TNIP1: variants seen among roughly 807,000 people sequenced by gnomAD.
TNIP1 encodes TNFAIP3 interacting protein 1.
TNIP1 carries 22 observed loss-of-function variants against 86.6 expected under a neutral mutation model. The observed-to-expected ratio is 0.25, with a 90% CI of 0.18 to 0.36. TNIP1 has a LOEUF of 0.36. TNIP1 is among the 10% of genes least tolerant of loss of function. The pLI is 1.00. For missense variants in TNIP1, 709 were observed against 820.6 expected (o/e 0.86, Z 1.66); for synonymous variants, 294 against 313.0 (o/e 0.94, Z 0.64).
intron 4 of TNIP1, among the ~76,000 whole-genome samples, chr5:151,060,610 C>G (rs998912700): frequency 6.6e-6 from 1 of 152,208 alleles, no homozygotes; most frequent in Non-Finnish European, 1.5e-5. Flanking sequence ...CCCTCGATGG[C>G]CAATCCTCTT....
chr5:151,033,164 A>AAAAAAAG (rs1757135043), intron 16 of TNIP1, among the ~76,000 whole-genome samples: 1 of 143,664 alleles, frequency 7.0e-6, no homozygotes. Context: ...AAATAAAAAA[A>AAAAAAAG]GAGAGGAGAG....
rs1581778443 is a variant in TNIP1, at chr5:151,045,717, T to C, written c.936+144A>G. 3 of 744,098 alleles carry C rather than the reference T, an allele frequency of 4.0e-6. No homozygotes were observed. In the East Asian group the frequency reaches 7.7e-5, roughly 19 times the overall value. 46.1% of individuals were successfully genotyped at this position (744,098 alleles called of 1,614,324 possible). On this transcript the variant is annotated intron_variant, in intron 9 of 17. Transcript: ENST00000521591. ...AGGGCAAGGAGTCAGACCTCATCCA[T>C]GGGCAGGCAGGTCAGTGGTCACCAT...
intron 1 of TNIP1, among the ~76,000 whole-genome samples, chr5:151,075,559 T>G (rs73799425): frequency 0.019 from 2,870 of 152,318 alleles, 81 homozygotes; most frequent in African/African-American, 0.065. Flanking sequence ...ACCTGATATT[T>G]AGCTCCACTT....
At chr5:151,085,101 G>A (rs771294621), upstream of TNIP1, among the ~76,000 whole-genome samples, 16 of 152,164 alleles carry the variant, frequency 1.1e-4, no homozygotes, top group African/African-American at 3.6e-4. Context: ...GCACCTTAAG[G>A]TGAATGAAAC....
chr5:151,035,730 A>G, intron 13 of TNIP1, 23 bp from the exon 14 acceptor site: 2 of 1,613,236 alleles, frequency 1.2e-6, no homozygotes, highest in South Asian at 2.2e-5. Flanking sequence ...GAGGGTGAAG[A>G]GAGGGAGGGG....
intron 8 of TNIP1, among the ~76,000 whole-genome samples, chr5:151,047,277 C>T (rs1172738618): frequency 6.6e-6 from 1 of 152,236 alleles, no homozygotes; most frequent in Non-Finnish European, 1.5e-5. Flanking sequence ...TAACCTCAAT[C>T]TCCTCATGAG....
chr5:151,030,598 C>A lies in TNIP1; in HGVS notation c.*115G>T, dbSNP rs1364264640. 1 of 1,550,474 alleles carries A rather than the reference C, an allele frequency of 6.4e-7. No homozygotes were observed. Among genetic ancestry groups the A allele is most frequent in the Non-Finnish European group, 8.8e-7 (1 of 1,135,948 alleles). ...TGTACAAGCTGGCCACCCATCTCAGCCTCTCATCCAGCTGAGGCTCTGGCC... is the reference window on the plus strand; with the variant it reads ...TGTACAAGCTGGCCACCCATCTCAGACTCTCATCCAGCTGAGGCTCTGGCC... On this transcript the variant is annotated 3_prime_UTR_variant, in exon 18 of 18. Coordinates refer to ENST00000521591, the MANE Select transcript of TNIP1 (RefSeq NM_006058.5).
chr5:151,083,468 C>T (rs1764159895), upstream of TNIP1, among the ~76,000 whole-genome samples: 1 of 152,172 alleles, frequency 6.6e-6, no homozygotes, highest in Non-Finnish European at 1.5e-5. Flanking sequence ...GGGAGACAGG[C>T]CCCCTAGCCT....
At chr5:151,042,374 G>A (rs1293612453) in intron 11 of TNIP1, among the ~76,000 whole-genome samples, 166 bp downstream of exon 11, 2 of 152,168 alleles carry the variant, frequency 1.3e-5, no homozygotes, top group Non-Finnish European at 2.9e-5. Flanking sequence ...TTTTCAGATG[G>A]GAAACTGCAG....
chr5:151,036,393 C>T (rs1034211683), intron 13 of TNIP1, among the ~76,000 whole-genome samples: 4 of 152,136 alleles, frequency 2.6e-5, no homozygotes, highest in South Asian at 2.1e-4. Context: ...CAAGAGTATC[C>T]GGCTAGAGTT....
upstream of TNIP1, among the ~76,000 whole-genome samples, chr5:151,084,830 CT>C (rs1216694292): frequency 6.6e-5 from 10 of 152,122 alleles, no homozygotes; most frequent in African/African-American, 2.2e-4. Context: ...ATTCTAGGTA[CT>C]TTTTGGTGCT....
In TNIP1 at chr5:151,056,942, G is replaced by C. The variant is rs2233290; in HGVS notation, c.451C>G (p.Pro151Ala). Residue 151 changes from proline to alanine, a missense_variant, in exon 6 of 18, where the codon CCC becomes GCC. Pro to Ala is a conservative substitution (Grantham distance 27). Transcript: ENST00000521591. ...AGCATCAGGTTGCCGTCCTCACGGG[G>C]CAGGGGGCCCAGCGCCTGGAGAGGG... is the stretch of plus-strand genomic sequence containing the variant. ...HANAMALGPL[P>A]REDGNLMLHL... is the part of the protein sequence containing the mutation. 0.089 allele frequency: 137,281 copies of C among 1,535,190 alleles called. 6,915 individuals carry two copies. The highest frequency in any genetic ancestry group is 0.19 in the African/African-American group (13,786 of 71,308).
At position 151,063,706 on chromosome 5, in the gene TNIP1, G is replaced by A. The variant is rs372798011; in HGVS notation, c.178C>T (p.Arg60Trp). The A allele has an allele frequency of 1.7e-5, 27 of 1,613,944 alleles. No individual in the cohort carries two copies. Among genetic ancestry groups the A allele is most frequent in the Admixed American group, 6.7e-5 (4 of 59,998 alleles). ...TTCACTAGCTCCTCTGCCTTCTGCC[G>A]GAGCCTGGTCGCTTCCATCTGGGAC... Reference protein sequence around the residue: ...EESQMEATRLRQKAEELVKDN... With the variant: ...EESQMEATRLWQKAEELVKDN... The change falls in exon 3 of 18, where the codon CGG (arginine) becomes TGG (tryptophan). Residue 60 changes from arginine (R) to tryptophan (W), a missense_variant. Transcript: ENST00000521591.
At position 151,060,501 on chromosome 5, in the gene TNIP1, T is replaced by G. The variant is rs1168019201; in HGVS notation, c.358-106A>C. 3 of 947,168 alleles carry G rather than the reference T, an allele frequency of 3.2e-6. No individual in the cohort carries two copies. The African/African-American group carries it at 4.9e-5, about 15-fold the overall frequency. 58.7% of individuals were successfully genotyped at this position (947,168 alleles called of 1,614,324 possible). On this transcript the variant is annotated intron_variant, in intron 4 of 17. Coordinates refer to ENST00000521591, the MANE Select transcript of TNIP1 (RefSeq NM_006058.5). ...AGGGGGACAAAATCTCTTCCCATTT[T>G]GAGTACACAGGGACCGTTACATATC...
intron 8 of TNIP1, among the ~76,000 whole-genome samples, chr5:151,048,951 G>A (rs1759538561): frequency 6.6e-6 from 1 of 152,116 alleles, no homozygotes; most frequent in African/African-American, 2.4e-5. Context: ...CAAACCTATG[G>A]CCATAGCTAT....
chr5:151,064,574 TCCAACACCTAGGAA>T (rs1762002147), intron 2 of TNIP1, among the ~76,000 whole-genome samples: 1 of 131,842 alleles, frequency 7.6e-6, no homozygotes, highest in Non-Finnish European at 1.6e-5. Context: ...TGCTCCCTGC[TCCAACACCTAGGAA>T]CGCGTGCCCC....
chr5:151,032,394 A>C lies in TNIP1; in HGVS notation c.1780-11T>G, dbSNP rs947920031. On this transcript the variant is annotated splice_polypyrimidine_tract_variant and intron_variant, in intron 16 of 17. Transcript: ENST00000521591. Reference sequence around the variant, plus strand: ...CCAGGTGTATTCCGGCTGCGACAAAACTGGTGCTTAATAATCAATAATCAC... The same window carrying C: ...CCAGGTGTATTCCGGCTGCGACAAACCTGGTGCTTAATAATCAATAATCAC... The C allele has an allele frequency of 6.2e-7, 1 of 1,613,538 alleles. No individual in the cohort carries two copies. Among genetic ancestry groups the C allele is most frequent in the Admixed American group, 1.7e-5 (1 of 59,894 alleles).
chr5:151,030,665 C>G lies in TNIP1; in HGVS notation c.*48G>C. On this transcript the variant is annotated 3_prime_UTR_variant, in exon 18 of 18. Transcript: ENST00000521591. ...TTCTAGTTTCTTGGCAATCTGAGAT[C>G]AGCTGGCTCTGCAAGATGAAGGTGG... is the stretch of plus-strand genomic sequence containing the variant. The G allele has an allele frequency of 1.9e-6, 3 of 1,613,830 alleles. No individual in the cohort carries two copies. The highest frequency in any genetic ancestry group is 2.5e-6 in the Non-Finnish European group (3 of 1,179,848).
chr5:151,039,332 T>TTCA, intron 11 of TNIP1, 107 bp from the exon 12 acceptor site: 2 of 1,312,476 alleles, frequency 1.5e-6, no homozygotes, highest in Non-Finnish European at 2.0e-6. Context: ...TGGCCATCAC[T>TTCA]TCACAATGCT....
Sources: allele counts gnomAD v4.1 joint callset (sites outside exome capture counted in the v4.1 genomes callset), GRCh38; gene constraint gnomAD v4.1.1; transcripts MANE v1.5; gene names NCBI Gene and HGNC (gene_info 2026-07-23, HGNC 2026-07-21).